KLHL29: variants seen among roughly 807,000 people sequenced by gnomAD.
KLHL29 encodes kelch like family member 29.
In KLHL29, 21 loss-of-function variants were observed where a neutral mutation model predicts 80.4. That is an observed-to-expected ratio of 0.26 (90% CI 0.19 to 0.38). KLHL29 has a LOEUF of 0.38. Ranked by LOEUF, KLHL29 falls within the 10% of genes least tolerant of loss-of-function variation. The pLI, the probability that KLHL29 is intolerant of heterozygous loss-of-function variation, is 1.00. For synonymous variants in KLHL29, 511 were observed against 526.8 expected (o/e 0.97, Z 0.41); for missense variants, 867 against 1,223.9 (o/e 0.71, Z 4.35).
At chr2:23,564,651 G>T (rs1667542202) in intron 3 of KLHL29, among the ~76,000 whole-genome samples, 1 of 152,252 alleles carries the variant, frequency 6.6e-6, no homozygotes, top group African/African-American at 2.4e-5. Context: ...CCAGAGGCCT[G>T]TCCCCTAGCC....
At chr2:23,541,384 A>G (rs1196713806) in intron 2 of KLHL29, among the ~76,000 whole-genome samples, 1 of 152,220 alleles carries the variant, frequency 6.6e-6, no homozygotes, top group Non-Finnish European at 1.5e-5. Context: ...GCTTCCTTCC[A>G]TGCTCATCAG....
At chr2:23,474,042 C>G (rs1322929228) in intron 1 of KLHL29, among the ~76,000 whole-genome samples, 1 of 152,200 alleles carries the variant, frequency 6.6e-6, no homozygotes, top group African/African-American at 2.4e-5. Flanking sequence ...CGACAACATG[C>G]ACCCTACCCT....
intron 5 of KLHL29, among the ~76,000 whole-genome samples, chr2:23,671,006 C>CA (rs1670729355): frequency 3.2e-5 from 2 of 62,954 alleles, no homozygotes; most frequent in Admixed American, 2.2e-4. Flanking sequence ...CCCTCCCCCC[C>CA]CCCACCTCCT....
intron 1 of KLHL29, among the ~76,000 whole-genome samples, chr2:23,451,361 T>A (rs1572328819): frequency 6.6e-6 from 1 of 152,242 alleles, no homozygotes; most frequent in Non-Finnish European, 1.5e-5. Flanking sequence ...CTGTGTTCCC[T>A]GAAGGCCTTT....
At chr2:23,523,820 C>T (rs535766861) in intron 2 of KLHL29, 8 of 349,126 alleles carry the variant, frequency 2.3e-5, no homozygotes, top group Non-Finnish European at 3.6e-5. Context: ...CCGGCCTTGT[C>T]CCCAGCAAAG....
intron 5 of KLHL29, among the ~76,000 whole-genome samples, chr2:23,645,273 T>C (rs935588443): frequency 6.6e-5 from 10 of 152,196 alleles, no homozygotes; most frequent in African/African-American, 1.7e-4. Context: ...AAACTTGCCA[T>C]GTGAGAGTCG....
chr2:23,386,154 C>G (rs888344848), intron 1 of KLHL29, among the ~76,000 whole-genome samples: 1 of 151,962 alleles, frequency 6.6e-6, no homozygotes, highest in Non-Finnish European at 1.5e-5. Context: ...CTCCAGGCCA[C>G]GTTCCCCTGA....
chr2:23,697,986 A>G (rs1269682642), intron 11 of KLHL29: 2 of 152,234 alleles, frequency 1.3e-5, no homozygotes, highest in Admixed American at 1.3e-4. Flanking sequence ...CTCCTAAGAC[A>G]CTGATTACTC....
chr2:23,396,944 CT>C (rs1161091241), intron 1 of KLHL29, among the ~76,000 whole-genome samples: 1 of 152,020 alleles, frequency 6.6e-6, no homozygotes, highest in Non-Finnish European at 1.5e-5. Context: ...AGGGAAGTCG[CT>C]TTTTTTTCTC....
chr2:23,443,957 A>G (rs185937619), intron 1 of KLHL29, among the ~76,000 whole-genome samples: 1 of 152,338 alleles, frequency 6.6e-6, no homozygotes, highest in East Asian at 1.9e-4. Context: ...TAGCAGGGGT[A>G]TTGTAAAATG....
intron 2 of KLHL29, among the ~76,000 whole-genome samples, chr2:23,488,578 A>G (rs1024388853): frequency 2.0e-5 from 3 of 152,246 alleles, no homozygotes; most frequent in Non-Finnish European, 4.4e-5. Context: ...AGAAAAGCAG[A>G]AAGGTTTTCT....
chr2:23,482,860 CATTCATT>C, intron 2 of KLHL29, among the ~76,000 whole-genome samples: 6 of 118,532 alleles, frequency 5.1e-5, no homozygotes, highest in African/African-American at 1.4e-4. Flanking sequence ...TTCATTCATT[CATTCATT>C]CATCCATCAC....
At chr2:23,443,888 G>A (rs982844558) in intron 1 of KLHL29, among the ~76,000 whole-genome samples, 5 of 152,194 alleles carry the variant, frequency 3.3e-5, no homozygotes, top group Admixed American at 6.5e-5. Flanking sequence ...CAGATATGCT[G>A]TTTCCCAAGA....
At chr2:23,467,645 T>C (rs572960727) in intron 1 of KLHL29, among the ~76,000 whole-genome samples, 1 of 152,340 alleles carries the variant, frequency 6.6e-6, no homozygotes, top group African/African-American at 2.4e-5. Flanking sequence ...GGCCACTGGC[T>C]CTGTAGGCTT....
intron 1 of KLHL29, among the ~76,000 whole-genome samples, chr2:23,396,242 C>T (rs976881734): frequency 3.3e-5 from 5 of 152,184 alleles, no homozygotes; most frequent in African/African-American, 1.2e-4. Context: ...AGGGCTGCAT[C>T]CCCTGCGTTT....
chr2:23,603,099 A>G (rs1042711371), intron 3 of KLHL29, among the ~76,000 whole-genome samples: 3 of 152,160 alleles, frequency 2.0e-5, no homozygotes, highest in Non-Finnish European at 2.9e-5. Flanking sequence ...AGGGTAGGTC[A>G]AAGTCAGGGA....
intron 3 of KLHL29, among the ~76,000 whole-genome samples, chr2:23,613,779 A>C (rs1445396539): frequency 2.0e-5 from 3 of 150,014 alleles, no homozygotes; most frequent in South Asian, 4.2e-4. Context: ...AAAAAAAAAA[A>C]AAAAAAAAAA....
In KLHL29 at chr2:23,562,090, CTG is replaced by C; in HGVS notation, c.-45-60_-45-59del. 1 of 1,298,850 alleles carries C rather than the reference CTG, an allele frequency of 7.7e-7. No individual in the cohort carries two copies. Among genetic ancestry groups the C allele is most frequent in the Non-Finnish European group, 1.1e-6 (1 of 939,978 alleles). 80.5% of individuals were successfully genotyped at this position (1,298,850 alleles called of 1,614,324 possible). A position where few individuals can be genotyped will look rare whatever the true frequency, so the allele number is the denominator to read the frequency against. ...ACCCAGAGAAGGGGCTTCATGGATG[CTG>C]TCAGTTGTCGCTGCCTGCTCCAGTC... On this transcript the variant is annotated intron_variant, in intron 2 of 13. Transcript: ENST00000486442. The surrounding 1 kb of genome is among the most constrained non-coding windows in gnomAD (Gnocchi z 4.5).
At chr2:23,577,114 G>C (rs141511440) in intron 3 of KLHL29, among the ~76,000 whole-genome samples, 25 of 152,344 alleles carry the variant, frequency 1.6e-4, no homozygotes, top group African/African-American at 5.5e-4. Context: ...ACTGCAGTGC[G>C]TCTTCTTTAG....
Sources: gnomAD v4.1 joint callset for allele counts (sites outside exome capture counted in the v4.1 genomes callset) on GRCh38, gnomAD v4.1.1 for gene constraint, Gnocchi (gnomAD v3.1) non-coding constraint, MANE v1.5 for transcripts, NCBI Gene and HGNC (gene_info 2026-07-23, HGNC 2026-07-21) for gene names.